BUD23: variants seen among roughly 807,000 people sequenced by gnomAD.
The protein encoded by BUD23 is BUD23 rRNA methyltransferase and ribosome maturation factor.
A neutral mutation model predicts 47.0 loss-of-function variants in BUD23; 34 were observed. That is an observed-to-expected ratio of 0.72 (90% CI 0.55 to 0.96). BUD23 has a LOEUF of 0.96. Among genes scored for constraint, BUD23 ranks in the 40% least tolerant of loss-of-function variants. The probability of loss-of-function intolerance (pLI) is 0.00; values close to 1 mark genes in which losing one functional copy is unlikely to be tolerated. For synonymous variants in BUD23, 124 were observed against 132.0 expected (o/e 0.94, Z 0.41); for missense variants, 343 against 361.2 (o/e 0.95, Z 0.41).
rs537081206 is a variant in BUD23, at chr7:73,686,929, G to A, written c.265+29G>A. 7.8e-5 allele frequency: 126 copies of A among 1,613,010 alleles called. 1 individual carries two copies. The South Asian group carries it at 1.3e-3, about 16-fold the overall frequency. On this transcript the variant is annotated intron_variant, in intron 4 of 11. Coordinates refer to ENST00000265758, the MANE Select transcript of BUD23 (RefSeq NM_017528.5). ...AGTATGTCCTGTCTGGCACCAGGGT[G>A]GATTACCCTGATGGGTGTGGAGAAG...
intron 10 of BUD23, chr7:73,697,211 G>A (rs1349892291): frequency 5.7e-6 from 3 of 529,904 alleles, no homozygotes; most frequent in Non-Finnish European, 1.0e-5. Flanking sequence ...CCCCCAAGCT[G>A]TGGGACCCTA....
At chr7:73,690,806 G>A (rs941716210) in intron 5 of BUD23, 110 bp from the exon 6 acceptor site, 23 of 805,050 alleles carry the variant, frequency 2.9e-5, no homozygotes, top group Middle Eastern at 5.4e-4. Context: ...GAAGCTGTGG[G>A]AGGAGGGGTT....
At chr7:73,687,929 T>A (rs1297391837) in intron 5 of BUD23, among the ~76,000 whole-genome samples, 1 of 150,620 alleles carries the variant, frequency 6.6e-6, no homozygotes, top group African/African-American at 2.4e-5. Context: ...GGAGGCTCTC[T>A]CTGTTGCCCA....
In BUD23 at chr7:73,686,628, C is replaced by T. The variant is rs1554613014; in HGVS notation, c.87-8C>T. On this transcript the variant is annotated splice_region_variant and splice_polypyrimidine_tract_variant and intron_variant, in intron 2 of 11. Coordinates refer to ENST00000265758, the MANE Select transcript of BUD23 (RefSeq NM_017528.5). ...TTACCATGTCCACTTGTGTTTCTGCCTTACCAGCTCACGGATGATTGATAT... is the reference window on the plus strand; with the variant it reads ...TTACCATGTCCACTTGTGTTTCTGCTTTACCAGCTCACGGATGATTGATAT... The T allele has an allele frequency of 1.2e-6, 2 of 1,613,826 alleles. No individual in the cohort carries two copies. The highest frequency in any genetic ancestry group is 1.7e-6 in the Non-Finnish European group (2 of 1,179,918).
At chr7:73,691,067 T>A (rs1384594251) in intron 6 of BUD23, 55 bp downstream of exon 6, 26 of 1,491,064 alleles carry the variant, frequency 1.7e-5, no homozygotes, top group Non-Finnish European at 2.4e-5. Context: ...TCCCTAGCAC[T>A]GCAGGTAGAG....
chr7:73,688,185 C>T lies in BUD23; in HGVS notation c.362+1090C>T, dbSNP rs377550804. ...TGCTAGGATTACAGGCGTGAGCCAC[C>T]GCGCCCAGCCTAAAAAGCTAGACAT... On this transcript the variant is annotated intron_variant, in intron 5 of 11. Coordinates refer to ENST00000265758, the MANE Select transcript of BUD23 (RefSeq NM_017528.5). 7.0e-4 allele frequency among the ~76,000 whole-genome samples: 106 copies of T among 152,190 alleles called. 1 individual carries two copies. The highest frequency in any genetic ancestry group is 1.5e-3 in the African/African-American group (64 of 41,522).
intron 2 of BUD23, among the ~76,000 whole-genome samples, chr7:73,684,923 C>CA (rs56229090): frequency 0.014 from 707 of 49,116 alleles, 147 homozygotes; most frequent in African/African-American, 0.039. Context: ...GACTTTGTTT[C>CA]AAAAAAAAAA....
chr7:73,693,542 G>A, intron 8 of BUD23, 82 bp from the exon 9 acceptor site: 3 of 1,601,346 alleles, frequency 1.9e-6, no homozygotes, highest in Non-Finnish European at 2.6e-6. Flanking sequence ...CAGGCGGAGG[G>A]GGTGCGGGTG....
intron 2 of BUD23, 102 bp from the exon 3 acceptor site, chr7:73,686,534 T>A (rs558707798): frequency 7.7e-6 from 8 of 1,036,222 alleles, no homozygotes; most frequent in Non-Finnish European, 1.2e-5. Context: ...CGTTTTTTGT[T>A]TGTTTTTAAC....
intron 10 of BUD23, chr7:73,695,552 T>G (rs1367597328): frequency 1.8e-4 from 28 of 152,260 alleles, no homozygotes; most frequent in Admixed American, 1.8e-3. Context: ...CCTGGCCTCA[T>G]CCTCCATTCT....
intron 8 of BUD23, 22 bp from the exon 9 acceptor site, chr7:73,693,602 A>G: frequency 6.2e-7 from 1 of 1,614,164 alleles, no homozygotes; most frequent in Non-Finnish European, 8.5e-7. Flanking sequence ...CCCAACCCTC[A>G]CTTTGCACTT....
Position 73,694,259 on chromosome 7 carries a change from C to G in BUD23, c.701+209C>G, listed in dbSNP as rs554618963. The stretch of plus-strand genomic sequence containing the variant: ...GGATGTCTGGGTGCAGCCATGCAGC[C>G]TGGACTCCCTTTGTGAGCCCACACA... On this transcript the variant is annotated intron_variant, in intron 10 of 11. Transcript: ENST00000265758. 97 of 540,088 alleles carry G rather than the reference C, an allele frequency of 1.8e-4. No individual in the cohort carries two copies. In the Admixed American group the frequency reaches 1.9e-3, roughly 11 times the overall value. 33.5% of individuals were successfully genotyped at this position (540,088 alleles called of 1,614,324 possible). A position where few individuals can be genotyped will look rare whatever the true frequency, so the allele number is the denominator to read the frequency against.
intron 8 of BUD23, 78 bp downstream of exon 8, chr7:73,693,492 G>A (rs981529970): frequency 3.1e-6 from 5 of 1,598,026 alleles, no homozygotes; most frequent in East Asian, 2.2e-5. Flanking sequence ...CCACTCAGTG[G>A]TGCAGAGGAG....
chr7:73,694,021 A>C lies in BUD23; in HGVS notation c.672A>C (p.Glu224Asp), dbSNP rs199675248. The change falls in exon 10 of 12, where the codon GAA becomes GAC. Residue 224 changes from glutamate to aspartate, a missense_variant. Coordinates refer to ENST00000265758, the MANE Select transcript of BUD23 (RefSeq NM_017528.5). ...TGAGTGAAAATCAGGATGAAGTTGAACCCAGGGAGTCTGTGTTCACCAATG... is the reference window on the plus strand; with the variant it reads ...TGAGTGAAAATCAGGATGAAGTTGACCCCAGGGAGTCTGTGTTCACCAATG... ...EGLSENQDEV[E>D]PRESVFTNER... The C allele has an allele frequency of 4.7e-5, 76 of 1,612,140 alleles. No homozygotes were observed. The Admixed American group carries it at 7.9e-4, about 17-fold the overall frequency.
chr7:73,693,639 G>C lies in BUD23; in HGVS notation c.612G>C (p.Leu204Phe). Reference protein sequence around the residue: ...SAKAKKFYLCLFSGPSTFIPE... With the variant: ...SAKAKKFYLCFFSGPSTFIPE... ...CTCCTTTCAGATTCTACCTCTGCTT[G>C]TTTTCTGGGCCTTCGACCTTTATAC... is the stretch of plus-strand genomic sequence containing the variant. The change falls in exon 9 of 12, where the codon TTG becomes TTC. Residue 204 changes from leucine (L) to phenylalanine (F), a missense_variant. By Grantham distance (22) the Leu-to-Phe change is conservative. Coordinates refer to ENST00000265758, the MANE Select transcript of BUD23 (RefSeq NM_017528.5). 3.7e-6 allele frequency: 6 copies of C among 1,614,184 alleles called. No homozygotes were observed. Among genetic ancestry groups the C allele is most frequent in the Non-Finnish European group, 5.1e-6 (6 of 1,180,040 alleles).
In BUD23 at chr7:73,697,996, TA is replaced by T. The variant is rs879991709; in HGVS notation, c.*119del. 5.8e-4 allele frequency: 780 copies of T among 1,356,228 alleles called. No homozygotes were observed. The highest frequency in any genetic ancestry group is 8.1e-4 in the Middle Eastern group (3 of 3,686). 84.0% of individuals were successfully genotyped at this position (1,356,228 alleles called of 1,614,324 possible). A position where few individuals can be genotyped will look rare whatever the true frequency, so the allele number is the denominator to read the frequency against. On this transcript the variant is annotated 3_prime_UTR_variant, in exon 12 of 12. Transcript: ENST00000265758. ...AAAGTTATAAAAATGTTTTCTGCAG[TA>T]AAAAAAAAGTTCTCTGGGCCGGGCG...
At chr7:73,685,106 G>A (rs1053998908) in intron 2 of BUD23, among the ~76,000 whole-genome samples, 3 of 151,894 alleles carry the variant, frequency 2.0e-5, no homozygotes, top group African/African-American at 7.3e-5. Context: ...CAGGAATTCC[G>A]AGACCAACCT....
chr7:73,686,691 T>A lies in BUD23; in HGVS notation c.142T>A (p.Tyr48Asn), dbSNP rs372615879. 1 of 1,614,188 alleles carries A rather than the reference T, an allele frequency of 6.2e-7. No homozygotes were observed. Among genetic ancestry groups the A allele is most frequent in the Admixed American group, 1.7e-5 (1 of 60,008 alleles). Residue 48 changes from tyrosine (Y) to asparagine (N), a missense_variant, in exon 3 of 12, where the codon TAT becomes AAT. Coordinates refer to ENST00000265758, the MANE Select transcript of BUD23 (RefSeq NM_017528.5). The stretch of plus-strand genomic sequence containing the variant: ...GGCTGGGCGAGCATTGGAGCTTCTT[T>A]ATCTGCCAGAGAATAAGCCCTGTTA... ...RMAGRALELL[Y>N]LPENKPCYLL...
chr7:73,687,096 G>A lies in BUD23; in HGVS notation c.362+1G>A. 6.2e-7 allele frequency: 1 copy of A among 1,613,288 alleles called. No homozygotes were observed. Among genetic ancestry groups the A allele is most frequent in the Non-Finnish European group, 8.5e-7 (1 of 1,179,990 alleles). On this transcript the variant is annotated splice_donor_variant, in intron 5 of 11. Coordinates refer to ENST00000265758, the MANE Select transcript of BUD23 (RefSeq NM_017528.5). LOFTEE classifies it high-confidence loss of function. ...CAGGCACATTTGATGGTTGCATCAG[G>A]TGAGGGTCTTTAATTCCTGCTTTTA...
Sources: allele counts gnomAD v4.1 joint callset (sites outside exome capture counted in the v4.1 genomes callset), GRCh38; gene constraint gnomAD v4.1.1; transcripts MANE v1.5; gene names NCBI Gene and HGNC (gene_info 2026-07-23, HGNC 2026-07-21).